The following GALNTL5 variants were observed in gnomAD, a reference collection of about 807,000 sequenced individuals.
GALNTL5 encodes the protein polypeptide N-acetylgalactosaminyltransferase like 5, also known as inactive polypeptide N-acetylgalactosaminyltransferase-like protein 5.
In GALNTL5, 44 loss-of-function variants were observed where a neutral mutation model predicts 51.0. The ratio of observed to expected loss-of-function variants is 0.86; its 90% CI spans 0.68 to 1.11. GALNTL5 has a LOEUF of 1.11. GALNTL5 is among the 50% of genes least tolerant of loss of function. The pLI, the probability that GALNTL5 is intolerant of heterozygous loss-of-function variation, is 0.00. For synonymous variants in GALNTL5, 192 were observed against 182.8 expected (o/e 1.05, Z -0.41); for missense variants, 528 against 531.8 (o/e 0.99, Z 0.07).
At chr7:151,975,739 C>T (rs1284572348) in intron 3 of GALNTL5, among the ~76,000 whole-genome samples, 1 of 151,902 alleles carries the variant, frequency 6.6e-6, no homozygotes, top group African/African-American at 2.4e-5. Context: ...TTGCTGCATC[C>T]CATATGTTTT....
chr7:152,006,500 C>T (rs551101901), intron 6 of GALNTL5, among the ~76,000 whole-genome samples: 5 of 152,294 alleles, frequency 3.3e-5, no homozygotes, highest in Admixed American at 3.3e-4. Flanking sequence ...ACATCTGGTG[C>T]AGTAGGCACC....
chr7:152,006,333 C>A (rs2081641674), intron 6 of GALNTL5, among the ~76,000 whole-genome samples: 1 of 152,210 alleles, frequency 6.6e-6, no homozygotes, highest in Non-Finnish European at 1.5e-5. Context: ...ATGGACAAAT[C>A]TTTCTAAGGC....
intron 5 of GALNTL5, among the ~76,000 whole-genome samples, chr7:151,997,544 G>A (rs981905791): frequency 7.2e-5 from 11 of 152,148 alleles, no homozygotes; most frequent in Non-Finnish European, 1.5e-4. Context: ...GTAGGTGCTA[G>A]GTGGCCTGTT....
At chr7:151,961,591 G>C (rs993104342) in intron 1 of GALNTL5, among the ~76,000 whole-genome samples, 3 of 152,190 alleles carry the variant, frequency 2.0e-5, no homozygotes, top group Non-Finnish European at 4.4e-5. Flanking sequence ...ATATTCAAAG[G>C]CCAAGAGGAT....
chr7:151,995,347 AATTTT>A lies in GALNTL5; in HGVS notation c.659-7366_659-7362del, dbSNP rs2081484237. The A allele has an allele frequency of 4.4e-5, 4 of 91,052 alleles. 1 individual carries two copies. Among genetic ancestry groups the A allele is most frequent in the South Asian group, 4.3e-4 (1 of 2,328 alleles). 5.6% of individuals were successfully genotyped at this position (91,052 alleles called of 1,614,324 possible). A position where few individuals can be genotyped will look rare whatever the true frequency, so the allele number is the denominator to read the frequency against. ...AAGAAATCTACGATCAGTTGGTATGAATTTTTTTTTTTTTTTTTTTTTTTTTTTTT... is the reference window on the plus strand; with the variant it reads ...AAGAAATCTACGATCAGTTGGTATGATTTTTTTTTTTTTTTTTTTTTTTTT... On this transcript the variant is annotated intron_variant, in intron 5 of 8. Coordinates refer to ENST00000392800, the MANE Select transcript of GALNTL5 (RefSeq NM_145292.4).
In GALNTL5 at chr7:151,969,124, C is replaced by T. The variant is rs367651683; in HGVS notation, c.247+1631C>T. Among the ~76,000 whole-genome samples, 26 of 152,126 alleles carry T rather than the reference C, an allele frequency of 1.7e-4. No homozygotes were observed. The East Asian group carries it at 3.1e-3, about 18-fold the overall frequency. ...GCACAATTTTACATTTTAAAATTTT[C>T]GGTTTTTTATTTTTCATAAGTCCCC... On this transcript the variant is annotated intron_variant, in intron 2 of 8. Coordinates refer to ENST00000392800, the MANE Select transcript of GALNTL5 (RefSeq NM_145292.4).
intron 2 of GALNTL5, among the ~76,000 whole-genome samples, chr7:151,969,365 TA>T (rs1297603651): frequency 6.6e-6 from 1 of 152,238 alleles, no homozygotes; most frequent in Non-Finnish European, 1.5e-5. Flanking sequence ...GAGGTAAGAA[TA>T]AATGCTCATT....
rs752247810 is a variant in GALNTL5, at chr7:152,013,355, G to GA, written c.1027-1278dup. On this transcript the variant is annotated intron_variant, in intron 7 of 8. Coordinates refer to ENST00000392800, the MANE Select transcript of GALNTL5 (RefSeq NM_145292.4). ...TTGAACTGAAAACAAAAGTTGGAAA[G>GA]AAAAAAAAAAACAAAAACTGGTGTT... 3.8e-3 allele frequency among the ~76,000 whole-genome samples: 540 copies of GA among 142,382 alleles called. 12 individuals are homozygous for GA. The East Asian group carries it at 0.052, about 14-fold the overall frequency. The allele number at this position is 142,382 out of a possible 152,430, so 93.4% of individuals were successfully genotyped here. A position where few individuals can be genotyped will look rare whatever the true frequency, so the allele number is the denominator to read the frequency against.
At chr7:152,010,701 G>A (rs1352753345) in intron 7 of GALNTL5, among the ~76,000 whole-genome samples, 4 of 151,844 alleles carry the variant, frequency 2.6e-5, no homozygotes, top group South Asian at 4.2e-4. Flanking sequence ...CTGGGAGGTG[G>A]AGGTTACAGT....
intron 5 of GALNTL5, among the ~76,000 whole-genome samples, chr7:151,988,677 G>A (rs998534811): frequency 1.3e-5 from 2 of 151,036 alleles, no homozygotes; most frequent in African/African-American, 2.4e-5. Context: ...ATATATGCAC[G>A]TGTGTATACA....
Position 151,970,480 on chromosome 7 carries a change from GCCAGATCC to G in GALNTL5, c.248-463_248-456del, listed in dbSNP as rs528565729. On this transcript the variant is annotated intron_variant, in intron 2 of 8. Coordinates refer to ENST00000392800, the MANE Select transcript of GALNTL5 (RefSeq NM_145292.4). Reference sequence around the variant, plus strand: ...TGGCAGGATGTGTTTGGGTTACGTGGCCAGATCCCTCATGAATGGCTTGGTGCCTGCCT... The same window carrying G: ...TGGCAGGATGTGTTTGGGTTACGTGGCTCATGAATGGCTTGGTGCCTGCCT... 3.3e-4 allele frequency: 53 copies of G among 158,946 alleles called. 1 individual carries two copies. In the South Asian group the frequency reaches 9.0e-3, roughly 27 times the overall value. The allele number at this position is 158,946 out of a possible 1,614,324, so 9.8% of individuals were successfully genotyped here.
At chr7:152,009,338 G>A (rs970400955) in intron 7 of GALNTL5, among the ~76,000 whole-genome samples, 2 of 152,180 alleles carry the variant, frequency 1.3e-5, no homozygotes, top group African/African-American at 4.8e-5. Flanking sequence ...TTGTAGTGAT[G>A]TCCTTAATGG....
At chr7:152,011,085 C>A (rs1040051672) in intron 7 of GALNTL5, among the ~76,000 whole-genome samples, 45 of 152,154 alleles carry the variant, frequency 3.0e-4, no homozygotes, top group Admixed American at 2.0e-4. Context: ...GTAACTTGCC[C>A]AAATTCACAG....
intron 3 of GALNTL5, among the ~76,000 whole-genome samples, chr7:151,975,873 G>C (rs1484083528): frequency 6.6e-6 from 1 of 151,952 alleles, no homozygotes. Flanking sequence ...ATATATTTGT[G>C]AGTTTTCTGA....
chr7:152,002,077 C>T (rs1241141799), intron 5 of GALNTL5, among the ~76,000 whole-genome samples: 1 of 152,048 alleles, frequency 6.6e-6, no homozygotes, highest in African/African-American at 2.4e-5. Context: ...GTCAGGAGCT[C>T]GAGACCAGCC....
chr7:151,981,832 A>AAG (rs1281704826), intron 3 of GALNTL5, among the ~76,000 whole-genome samples: 4 of 150,638 alleles, frequency 2.7e-5, no homozygotes, highest in Non-Finnish European at 5.9e-5. Context: ...ATTTTTAGTA[A>AAG]AGACAGAATT....
intron 1 of GALNTL5, among the ~76,000 whole-genome samples, chr7:151,958,670 A>G (rs1431229888): frequency 6.6e-6 from 1 of 152,146 alleles, no homozygotes; most frequent in East Asian, 1.9e-4. Flanking sequence ...ACCACTTCCC[A>G]TGATGTGGGG....
chr7:151,982,353 G>T (rs961439071), intron 3 of GALNTL5, among the ~76,000 whole-genome samples: 6 of 152,182 alleles, frequency 3.9e-5, no homozygotes, highest in Non-Finnish European at 8.8e-5. Flanking sequence ...GGCAGAGGTT[G>T]CAGTGAGCCA....
chr7:152,014,225 G>A (rs373327048), intron 7 of GALNTL5, among the ~76,000 whole-genome samples: 1 of 152,330 alleles, frequency 6.6e-6, no homozygotes, highest in Admixed American at 6.5e-5. Flanking sequence ...GCTGTTGTGA[G>A]AATTAAATAA....
Sources: allele counts gnomAD v4.1 joint callset (sites outside exome capture counted in the v4.1 genomes callset), GRCh38; gene constraint gnomAD v4.1.1; transcripts MANE v1.5; gene names NCBI Gene and HGNC (gene_info 2026-07-23, HGNC 2026-07-21).